Variants in LRCH1 observed in about 807,000 individuals in gnomAD.
LRCH1 encodes the protein leucine rich repeats and calponin homology domain containing 1, also known as leucine-rich repeat and calponin homology domain-containing protein 1.
A neutral mutation model predicts 94.9 loss-of-function variants in LRCH1; 23 were observed. That is an observed-to-expected ratio of 0.24 (90% confidence interval 0.17 to 0.34). The LOEUF is 0.34. Among genes scored for constraint, LRCH1 ranks in the 10% least tolerant of loss-of-function variants. LRCH1 has a pLI of 1.00. For missense variants in LRCH1, 790 were observed against 945.9 expected, an observed-to-expected ratio of 0.84 and a Z score of 2.16; for synonymous variants, 364 against 354.9, an observed-to-expected ratio of 1.03 and a Z score of -0.29.
At position 46,687,876 on chromosome 13, in the gene LRCH1, A is replaced by C. The variant is rs1217347313; in HGVS notation, c.847A>C (p.Ile283Leu). Residue 283 changes from isoleucine (I) to leucine (L), a missense_variant, in exon 6 of 20, where the codon ATA becomes CTA. By Grantham distance (5) the Ile-to-Leu change is conservative. Transcript: ENST00000389797. ...AQICTKGKVHIFKYLSIQACQ... is the reference protein window; with the variant it reads ...AQICTKGKVHLFKYLSIQACQ... ...GATTTGCACAAAGGGCAAAGTTCAC[A>C]TATTTAAGTATCTGAGCATACAAGC... 3 of 1,612,324 alleles carry C rather than the reference A, an allele frequency of 1.9e-6. No homozygotes were observed. The African/African-American group carries it at 4.0e-5, about 22-fold the overall frequency.
intron 19 of LRCH1, among the ~76,000 whole-genome samples, chr13:46,737,939 T>C (rs967506071): frequency 2.6e-5 from 4 of 152,144 alleles, no homozygotes; most frequent in African/African-American, 9.7e-5. Flanking sequence ...GAAATAGATA[T>C]TTATTTGGTT....
intron 1 of LRCH1, among the ~76,000 whole-genome samples, chr13:46,634,980 C>A (rs1421961502): frequency 6.6e-6 from 1 of 152,144 alleles, no homozygotes; most frequent in African/African-American, 2.4e-5. Flanking sequence ...GCTCTGGGAC[C>A]AGAGCTGCAG....
chr13:46,600,872 T>C (rs1237547380), intron 1 of LRCH1, among the ~76,000 whole-genome samples: 1 of 152,264 alleles, frequency 6.6e-6, no homozygotes, highest in Non-Finnish European at 1.5e-5. Context: ...ACTGATGGCC[T>C]ATTGCTATGA....
intron 1 of LRCH1, among the ~76,000 whole-genome samples, chr13:46,599,449 A>G (rs2050602104): frequency 6.6e-6 from 1 of 152,124 alleles, no homozygotes; most frequent in African/African-American, 2.4e-5. Context: ...TGGTTCCACC[A>G]TTTTACATTC....
chr13:46,610,410 T>A (rs2050734749), intron 1 of LRCH1, among the ~76,000 whole-genome samples: 1 of 152,122 alleles, frequency 6.6e-6, no homozygotes, highest in African/African-American at 2.4e-5. Flanking sequence ...TAGTTATATA[T>A]TTTTTATTTA....
rs1325559817 is a variant in LRCH1, at chr13:46,562,970, C to T, written c.307+9267C>T. On this transcript the variant is annotated intron_variant, in intron 1 of 19. Transcript: ENST00000389797. ...ATCTCTCATAGACTTAGAATCTTTT[C>T]GGTGGTTGGTGGGTCCCTAGAGTCA... Among the ~76,000 whole-genome samples, 4 of 152,276 alleles carry T rather than the reference C, an allele frequency of 2.6e-5. No homozygotes were observed. The South Asian group carries it at 6.2e-4, about 24-fold the overall frequency.
intron 16 of LRCH1, among the ~76,000 whole-genome samples, chr13:46,716,544 A>G (rs1054959210): frequency 2.0e-5 from 3 of 152,228 alleles, no homozygotes; most frequent in African/African-American, 7.2e-5. Context: ...TATAGCCACA[A>G]TGCAAACACA....
At chr13:46,703,618 A>T (rs191163528) in intron 11 of LRCH1, among the ~76,000 whole-genome samples, 1 of 152,294 alleles carries the variant, frequency 6.6e-6, no homozygotes, top group Admixed American at 6.5e-5. Flanking sequence ...TATTTGGAAA[A>T]AGAAATTATC....
intron 13 of LRCH1, among the ~76,000 whole-genome samples, chr13:46,706,167 T>C (rs1054094187): frequency 2.0e-5 from 3 of 152,228 alleles, no homozygotes; most frequent in Non-Finnish European, 2.9e-5. Flanking sequence ...TGTGGTTTCA[T>C]TGTTAAGCGC....
At position 46,742,015 on chromosome 13, in the gene LRCH1, C is replaced by T; in HGVS notation, c.*167C>T. On this transcript the variant is annotated 3_prime_UTR_variant, in exon 20 of 20. Transcript: ENST00000389797. The stretch of plus-strand genomic sequence containing the variant: ...AAATCAGATTTTCCAGAAGCACAAA[C>T]TTTGTAGAATACAGTTTAGTATAAT... The T allele has an allele frequency of 1.4e-6, 2 of 1,473,382 alleles. No individual in the cohort carries two copies. The highest frequency in any genetic ancestry group is 1.4e-5 in the South Asian group (1 of 71,154). The allele number at this position is 1,473,382 out of a possible 1,614,324, so 91.3% of individuals were successfully genotyped here.
chr13:46,656,269 A>G (rs559252308), intron 2 of LRCH1, among the ~76,000 whole-genome samples: 6 of 152,342 alleles, frequency 3.9e-5, no homozygotes, highest in Non-Finnish European at 7.3e-5. Flanking sequence ...CTTGTAGAAG[A>G]AATGTCTTCT....
chr13:46,602,098 C>A (rs1045993413), intron 1 of LRCH1, among the ~76,000 whole-genome samples: 1 of 152,322 alleles, frequency 6.6e-6, no homozygotes, highest in Admixed American at 6.5e-5. Flanking sequence ...TGAATCTCAT[C>A]TCTTTCCATT....
At chr13:46,672,840 T>A (rs1422316264) in intron 3 of LRCH1, among the ~76,000 whole-genome samples, 2 of 152,204 alleles carry the variant, frequency 1.3e-5, no homozygotes, top group African/African-American at 4.8e-5. Context: ...GTCCAAACTC[T>A]TGACATCTTA....
intron 1 of LRCH1, among the ~76,000 whole-genome samples, chr13:46,613,282 C>T (rs901761762): frequency 6.6e-6 from 1 of 151,430 alleles, no homozygotes; most frequent in African/African-American, 2.4e-5. Context: ...CCCAGCTGCT[C>T]GGGAGGCTGA....
chr13:46,608,962 T>C (rs950597922), intron 1 of LRCH1, among the ~76,000 whole-genome samples: 3 of 152,190 alleles, frequency 2.0e-5, no homozygotes, highest in African/African-American at 7.2e-5. Flanking sequence ...GCTCATCTCA[T>C]GAGGGGAAGC....
At chr13:46,663,670 C>T (rs1051785078) in intron 2 of LRCH1, among the ~76,000 whole-genome samples, 10 of 152,168 alleles carry the variant, frequency 6.6e-5, no homozygotes, top group African/African-American at 9.7e-5. Flanking sequence ...AGGAAACTTA[C>T]TAGGCTAAAG....
intron 2 of LRCH1, among the ~76,000 whole-genome samples, chr13:46,657,037 A>G (rs2051377831): frequency 6.6e-6 from 1 of 152,206 alleles, no homozygotes. Flanking sequence ...TGATAACTAC[A>G]GTAGTGTCAG....
intron 1 of LRCH1, among the ~76,000 whole-genome samples, chr13:46,635,502 G>A (rs370233991): frequency 0.012 from 1,287 of 109,530 alleles, 8 homozygotes; most frequent in Middle Eastern, 0.032. Context: ...ACGGAGTCTC[G>A]CTCTGGTGCC....
intron 1 of LRCH1, among the ~76,000 whole-genome samples, chr13:46,571,463 T>C (rs527768419): frequency 1.2e-3 from 190 of 152,350 alleles, no homozygotes; most frequent in Non-Finnish European, 2.2e-3. Context: ...TCTCAGAAAC[T>C]GGAGAAACGC....
Sources: allele counts gnomAD v4.1 joint callset (sites outside exome capture counted in the v4.1 genomes callset), GRCh38; gene constraint gnomAD v4.1.1; transcripts MANE v1.5; gene names NCBI Gene and HGNC (gene_info 2026-07-23, HGNC 2026-07-21).